The following GXYLT1 variants were observed in gnomAD, a reference collection of about 807,000 sequenced individuals.
The protein encoded by GXYLT1 is glucoside xylosyltransferase 1.
GXYLT1 carries 29 observed loss-of-function variants against 54.0 expected under a neutral mutation model. The ratio of observed to expected loss-of-function variants is 0.54; its 90% CI spans 0.40 to 0.73. GXYLT1 has a LOEUF of 0.73. Ranked by LOEUF, GXYLT1 falls within the 30% of genes least tolerant of loss-of-function variation. GXYLT1 has a pLI of 0.00. For synonymous variants in GXYLT1, 176 were observed against 204.1 expected (o/e 0.86, Z 1.17); for missense variants, 490 against 553.4 (o/e 0.89, Z 1.15).
intron 5 of GXYLT1, among the ~76,000 whole-genome samples, chr12:42,100,171 G>A (rs749373735): frequency 1.9e-4 from 29 of 152,044 alleles, no homozygotes; most frequent in African/African-American, 4.8e-4. Flanking sequence ...AGTGAATACC[G>A]GGCCTTTTAG....
intron 3 of GXYLT1, among the ~76,000 whole-genome samples, chr12:42,116,717 T>C (rs1026964408): frequency 1.3e-5 from 2 of 152,244 alleles, no homozygotes; most frequent in African/African-American, 4.8e-5. Flanking sequence ...GAAGTCATTG[T>C]GGTGATTCCT....
intron 5 of GXYLT1, among the ~76,000 whole-genome samples, chr12:42,100,778 A>G (rs2065385447): frequency 6.6e-6 from 1 of 152,148 alleles, no homozygotes; most frequent in South Asian, 2.1e-4. Flanking sequence ...GAAAAGAAAA[A>G]TATCAATTAC....
intron 5 of GXYLT1, among the ~76,000 whole-genome samples, chr12:42,100,784 A>G (rs2065385488): frequency 1.3e-5 from 2 of 152,146 alleles, no homozygotes. Flanking sequence ...AAAAATATCA[A>G]TTACACAAGG....
At chr12:42,109,779 TA>T (rs1592110570) in intron 3 of GXYLT1, 88 bp from the exon 4 acceptor site, 1 of 828,864 alleles carries the variant, frequency 1.2e-6, no homozygotes, top group East Asian at 3.0e-5. Context: ...ACAAAAGAGC[TA>T]AAAATTAAGA....
chr12:42,132,842 A>G (rs989747605), intron 1 of GXYLT1, among the ~76,000 whole-genome samples: 3 of 152,142 alleles, frequency 2.0e-5, no homozygotes, highest in Non-Finnish European at 4.4e-5. Flanking sequence ...ATTAAATTCA[A>G]CAAGACCAAC....
Position 42,144,857 on chromosome 12 carries a change from A to C in GXYLT1, c.-211T>G, listed in dbSNP as rs1208189707. On this transcript the variant is annotated 5_prime_UTR_variant, in exon 1 of 8. Coordinates refer to ENST00000398675, the MANE Select transcript of GXYLT1 (RefSeq NM_173601.2). ...GGAGCCGAAGGACTACCCGCCCGGA[A>C]GCCTGGACACCGCCTCTGCCGCCGC... is the stretch of plus-strand genomic sequence containing the variant. 1 of 341,322 alleles carries C rather than the reference A, an allele frequency of 2.9e-6. No individual in the cohort carries two copies. Among genetic ancestry groups the C allele is most frequent in the Non-Finnish European group, 5.3e-6 (1 of 187,576 alleles). 21.1% of individuals were successfully genotyped at this position (341,322 alleles called of 1,614,324 possible). A position where few individuals can be genotyped will look rare whatever the true frequency, so the allele number is the denominator to read the frequency against.
intron 7 of GXYLT1, among the ~76,000 whole-genome samples, chr12:42,089,839 G>C (rs1270509392): frequency 6.6e-6 from 1 of 152,154 alleles, no homozygotes; most frequent in African/African-American, 2.4e-5. Flanking sequence ...AGTGTAGCCA[G>C]GTTGAAGAAG....
intron 1 of GXYLT1, among the ~76,000 whole-genome samples, chr12:42,136,099 C>A (rs992240523): frequency 4.7e-4 from 72 of 152,190 alleles, no homozygotes; most frequent in African/African-American, 1.5e-3. Flanking sequence ...TTTTAACTCC[C>A]AAATATCTAT....
chr12:42,123,534 A>G (rs1376756311), intron 2 of GXYLT1, among the ~76,000 whole-genome samples: 1 of 152,148 alleles, frequency 6.6e-6, no homozygotes, highest in African/African-American at 2.4e-5. Flanking sequence ...TACATAACAA[A>G]TTTAGATGCA....
chr12:42,109,777 G>C (rs1395333990), intron 3 of GXYLT1, 86 bp from the exon 4 acceptor site: 2 of 847,204 alleles, frequency 2.4e-6, no homozygotes, highest in Admixed American at 6.1e-5. Flanking sequence ...AAACAAAAGA[G>C]CTAAAAATTA....
intron 3 of GXYLT1, among the ~76,000 whole-genome samples, chr12:42,117,426 T>C (rs990826434): frequency 6.6e-6 from 1 of 152,112 alleles, no homozygotes; most frequent in Admixed American, 6.6e-5. Flanking sequence ...TTTATACCTT[T>C]TAGTTTTCTG....
At chr12:42,121,496 T>C (rs1338409394) in intron 2 of GXYLT1, among the ~76,000 whole-genome samples, 1 of 151,886 alleles carries the variant, frequency 6.6e-6, no homozygotes, top group African/African-American at 2.4e-5. Context: ...CTGGGTGTGG[T>C]GATGCACGCC....
At chr12:42,122,786 A>G (rs1490524186) in intron 2 of GXYLT1, among the ~76,000 whole-genome samples, 1 of 152,190 alleles carries the variant, frequency 6.6e-6, no homozygotes, top group Non-Finnish European at 1.5e-5. Context: ...TGCTAAAACT[A>G]CGTACTAACA....
chr12:42,100,435 A>T (rs2065383303), intron 5 of GXYLT1, among the ~76,000 whole-genome samples: 1 of 152,146 alleles, frequency 6.6e-6, no homozygotes, highest in South Asian at 2.1e-4. Context: ...AAAATTTTTT[A>T]AAAATTAATC....
rs1464360919 is a variant in GXYLT1, at chr12:42,087,312, T to G, written c.*474A>C. On this transcript the variant is annotated 3_prime_UTR_variant, in exon 8 of 8. Coordinates refer to ENST00000398675, the MANE Select transcript of GXYLT1 (RefSeq NM_173601.2). ...CATAGATTGTCAATGGTTACATCAG[T>G]TACATCACATTTCTTCAGAAACAAC... 1 of 153,688 alleles carries G rather than the reference T, an allele frequency of 6.5e-6. No individual in the cohort carries two copies. Among genetic ancestry groups the G allele is most frequent in the East Asian group, 1.9e-4 (1 of 5,204 alleles). 9.5% of individuals were successfully genotyped at this position (153,688 alleles called of 1,614,324 possible).
chr12:42,113,970 G>T (rs1476834838), intron 3 of GXYLT1, among the ~76,000 whole-genome samples: 1 of 152,090 alleles, frequency 6.6e-6, no homozygotes, highest in Non-Finnish European at 1.5e-5. Context: ...TCAGGATTAA[G>T]AAACTCACTC....
intron 1 of GXYLT1, 99 bp from the exon 2 acceptor site, chr12:42,129,950 T>C: frequency 1.4e-6 from 1 of 692,742 alleles, no homozygotes; most frequent in South Asian, 2.0e-5. Context: ...TGTTCTATTT[T>C]AAAGCAAATA....
chr12:42,138,576 G>A (rs899594205), intron 1 of GXYLT1, among the ~76,000 whole-genome samples: 11 of 152,048 alleles, frequency 7.2e-5, no homozygotes, highest in Non-Finnish European at 1.3e-4. Context: ...TTTCCTATGC[G>A]TAATAAAGGT....
chr12:42,139,722 C>A (rs1283926538), intron 1 of GXYLT1, among the ~76,000 whole-genome samples: 1 of 152,148 alleles, frequency 6.6e-6, no homozygotes, highest in Non-Finnish European at 1.5e-5. Context: ...AACGTAGATA[C>A]CACTATGATC....
Sources: allele counts gnomAD v4.1 joint callset (sites outside exome capture counted in the v4.1 genomes callset), GRCh38; gene constraint gnomAD v4.1.1; transcripts MANE v1.5; gene names NCBI Gene and HGNC (gene_info 2026-07-23, HGNC 2026-07-21).